The following SETD3 variants were observed in gnomAD, a reference collection of about 807,000 sequenced individuals.
SETD3 encodes actin-histidine N-methyltransferase.
A neutral mutation model predicts 63.0 loss-of-function variants in SETD3; 19 were observed. The observed-to-expected ratio is 0.30, with a 90% CI of 0.21 to 0.44. The LOEUF (loss-of-function observed/expected upper bound fraction) is 0.44. SETD3 is among the 20% of genes least tolerant of loss of function. The pLI, the probability that SETD3 is intolerant of heterozygous loss-of-function variation, is 1.00. For missense variants in SETD3, 587 were observed against 728.5 expected, an observed-to-expected ratio of 0.81 and a Z score of 2.24; for synonymous variants, 286 against 264.1, an observed-to-expected ratio of 1.08 and a Z score of -0.80.
rs1437062415 is a variant in SETD3 at position 99,413,042 on chromosome 14, G to A, written c.758C>T (p.Thr253Met). ...DYRWAVSSVM[T>M]RQNQIPTEDG... ...CTCTGTGGGAATTTGGTTTTGCCTCGTCATAACAGAAGAGACTGCCCACCT... is the reference window on the plus strand; with the variant it reads ...CTCTGTGGGAATTTGGTTTTGCCTCATCATAACAGAAGAGACTGCCCACCT... The change falls in exon 8 of 13, where the codon ACG becomes ATG. Residue 253 changes from threonine (T) to methionine (M), a missense_variant. Thr to Met is a moderately conservative substitution (Grantham distance 81). Transcript: ENST00000331768. The A allele has an allele frequency of 4.3e-6, 7 of 1,612,552 alleles. No homozygotes were observed. The Admixed American group carries it at 5.0e-5, about 12-fold the overall frequency.
intron 9 of SETD3, 90 bp downstream of exon 9, chr14:99,406,426 A>C (rs1028919712): frequency 1.4e-5 from 17 of 1,200,116 alleles, no homozygotes; most frequent in East Asian, 2.4e-5. Context: ...TTTTTCCCCT[A>C]AGTTAAGTTC....
intron 1 of SETD3, among the ~76,000 whole-genome samples, chr14:99,472,832 A>C (rs74082077): frequency 6.6e-6 from 1 of 152,284 alleles, no homozygotes; most frequent in African/African-American, 2.4e-5. Context: ...AAATAGGACC[A>C]AAAAAATGAT....
chr14:99,477,844 AAAT>A (rs1241064812), intron 1 of SETD3, among the ~76,000 whole-genome samples: 3 of 151,768 alleles, frequency 2.0e-5, no homozygotes, highest in South Asian at 2.1e-4. Flanking sequence ...CCTTGAGAGT[AAAT>A]ATTATGTAAA....
Position 99,413,887 on chromosome 14 carries a change from G to A in SETD3, c.723C>T (p.Tyr241=), listed in dbSNP as rs760336096. ...CAGCCCACACCAACCTGTAGTCCTC[G>A]TAAGTGAAAGAATCCTTCAAGGGTA... The part of the protein sequence containing the change: ...NKLPLKDSFT[Y]EDYRWAVSSV... The change falls in exon 7 of 13, where the codon TAC becomes TAT. Residue 241 remains tyrosine (Y), a synonymous_variant. Coordinates refer to ENST00000331768, the MANE Select transcript of SETD3 (RefSeq NM_032233.3). 8 of 1,613,978 alleles carry A rather than the reference G, an allele frequency of 5.0e-6. No homozygotes were observed. Among genetic ancestry groups the A allele is most frequent in the Non-Finnish European group, 6.8e-6 (8 of 1,179,958 alleles).
At chr14:99,417,888 C>A (rs543941309) in intron 6 of SETD3, among the ~76,000 whole-genome samples, 1 of 152,220 alleles carries the variant, frequency 6.6e-6, no homozygotes, top group Non-Finnish European at 1.5e-5. Context: ...CCTAAAGAAT[C>A]AAAATGCTCT....
Position 99,406,509 on chromosome 14 carries a change from G to A in SETD3, c.924+7C>T. On this transcript the variant is annotated splice_region_variant and intron_variant, in intron 9 of 12. Transcript: ENST00000331768. ...GCTCACATTTTGTGAGATGCCACGA[G>A]ACCCACCTGCTCTCCAGCCCGAAAA... 1 of 1,613,988 alleles carries A rather than the reference G, an allele frequency of 6.2e-7. No individual in the cohort carries two copies. The highest frequency in any genetic ancestry group is 8.5e-7 in the Non-Finnish European group (1 of 1,179,904).
chr14:99,461,834 C>T (rs1783265340), intron 3 of SETD3, among the ~76,000 whole-genome samples: 1 of 152,238 alleles, frequency 6.6e-6, no homozygotes, highest in South Asian at 2.1e-4. Flanking sequence ...GAGCTGTAAG[C>T]CAGAAGGCTG....
chr14:99,484,314 G>A (rs531945682), upstream of SETD3, among the ~76,000 whole-genome samples: 1 of 152,306 alleles, frequency 6.6e-6, no homozygotes, highest in East Asian at 1.9e-4. Flanking sequence ...ATGCTGCAAC[G>A]CAGCAGACAC....
chr14:99,424,659 T>G (rs1241224174), intron 6 of SETD3, among the ~76,000 whole-genome samples: 2 of 152,044 alleles, frequency 1.3e-5, no homozygotes, highest in Admixed American at 1.3e-4. Context: ...CCCTTAGCTC[T>G]AAGGGGGGTC....
At chr14:99,465,680 G>A (rs768415945) in intron 2 of SETD3, 23 bp downstream of exon 2, 7 of 1,584,626 alleles carry the variant, frequency 4.4e-6, no homozygotes, top group Non-Finnish European at 5.2e-6. Context: ...ATCAAGGCAG[G>A]GAGAGCCCAG....
chr14:99,462,916 T>C (rs1895153038), intron 3 of SETD3, among the ~76,000 whole-genome samples: 1 of 152,248 alleles, frequency 6.6e-6, no homozygotes. Context: ...TAATAATCTT[T>C]ACTTTTTGTG....
chr14:99,399,466 C>T (rs914959288), intron 12 of SETD3, among the ~76,000 whole-genome samples: 1 of 152,062 alleles, frequency 6.6e-6, no homozygotes. Context: ...CAGGGCAGCA[C>T]GTGGGTGAAT....
In SETD3 at chr14:99,475,870, T is replaced by C. The variant is rs890235745; in HGVS notation, c.-9+4858A>G. ...TGATGCAACATGGTCCCATAGCCTT[T>C]AGGACAAGACAGTAATCAACTAAAG... On this transcript the variant is annotated intron_variant, in intron 1 of 12. Transcript: ENST00000331768. Among the ~76,000 whole-genome samples, 3 of 152,348 alleles carry C rather than the reference T, an allele frequency of 2.0e-5. No homozygotes were observed. In the East Asian group the frequency reaches 5.8e-4, roughly 29 times the overall value.
Position 99,405,474 on chromosome 14 carries a change from C to T in SETD3, c.925-103G>A, listed in dbSNP as rs563299180. On this transcript the variant is annotated intron_variant, in intron 9 of 12. Transcript: ENST00000331768. Reference sequence around the variant, plus strand: ...CTTAGTGCTACTTTACATTTAGACACTAAATAGCTGAAAGTATTGATACAC... The same window carrying T: ...CTTAGTGCTACTTTACATTTAGACATTAAATAGCTGAAAGTATTGATACAC... The T allele has an allele frequency of 1.5e-4, 187 of 1,238,894 alleles. No homozygotes were observed. The African/African-American group carries it at 2.4e-3, about 16-fold the overall frequency. The allele number at this position is 1,238,894 out of a possible 1,614,324, so 76.7% of individuals were successfully genotyped here. A position where few individuals can be genotyped will look rare whatever the true frequency, so the allele number is the denominator to read the frequency against.
chr14:99,442,481 C>A (rs1476978784), intron 6 of SETD3, among the ~76,000 whole-genome samples: 1 of 152,086 alleles, frequency 6.6e-6, no homozygotes, highest in African/African-American at 2.4e-5. Flanking sequence ...CTGAGTGGGT[C>A]CACTTATACA....
intron 3 of SETD3, among the ~76,000 whole-genome samples, chr14:99,462,570 T>C (rs1026304887): frequency 6.6e-6 from 1 of 152,298 alleles, no homozygotes; most frequent in East Asian, 1.9e-4. Context: ...GTGTCAGGTA[T>C]AGTAAACAGT....
chr14:99,458,653 A>C, intron 5 of SETD3, 118 bp from the exon 6 acceptor site: 1 of 1,315,456 alleles, frequency 7.6e-7, no homozygotes. Context: ...AAAGTCAGGT[A>C]CAGGCTGGGC....
chr14:99,410,604 C>T (rs1375473039), intron 8 of SETD3, among the ~76,000 whole-genome samples: 1 of 152,176 alleles, frequency 6.6e-6, no homozygotes, highest in Non-Finnish European at 1.5e-5. Context: ...TAAGTTTGAA[C>T]AAATCATGCA....
At chr14:99,400,285 G>C (rs1891321079) in intron 11 of SETD3, 26 bp from the exon 12 acceptor site, 1 of 1,602,916 alleles carries the variant, frequency 6.2e-7, no homozygotes, top group Non-Finnish European at 8.5e-7. Context: ...ATGGCAATCT[G>C]TTAGGAGGAA....
Sources: gnomAD v4.1 joint callset for allele counts (sites outside exome capture counted in the v4.1 genomes callset) on GRCh38, gnomAD v4.1.1 for gene constraint, MANE v1.5 for transcripts, NCBI Gene and HGNC (gene_info 2026-07-23, HGNC 2026-07-21) for gene names.